Variants in DNAH6 observed in about 807,000 individuals in gnomAD.
DNAH6 encodes the protein axonemal beta dynein heavy chain 6.
DNAH6 carries 340 observed loss-of-function variants against 491.4 expected under a neutral mutation model. That is an observed-to-expected ratio of 0.69 (90% CI 0.63 to 0.76). DNAH6 has a LOEUF of 0.76. DNAH6 is among the 30% of genes least tolerant of loss of function. The pLI is 0.00. For missense variants in DNAH6, 4,443 were observed against 4,972.2 expected (o/e 0.89, Z 3.20); for synonymous variants, 1,603 against 1,686.1 (o/e 0.95, Z 1.21).
the DNAH6 span, among the ~76,000 whole-genome samples, chr2:84,497,056 C>T: frequency 6.6e-6 from 1 of 151,688 alleles, no homozygotes; most frequent in Non-Finnish European, 1.5e-5. Context: ...CTGCAACCTC[C>T]ACCTGCCGGG....
At chr2:84,763,216 A>AT (rs1332956232) in intron 64 of DNAH6, among the ~76,000 whole-genome samples, 1 of 152,172 alleles carries the variant, frequency 6.6e-6, no homozygotes, top group Non-Finnish European at 1.5e-5. Flanking sequence ...TTTGTTTGGT[A>AT]TTTAAGACAG....
the DNAH6 span, among the ~76,000 whole-genome samples, chr2:84,504,592 A>G: frequency 8.5e-5 from 13 of 152,266 alleles, no homozygotes; most frequent in Admixed American, 2.0e-4. Flanking sequence ...TGGGTGTTGT[A>G]ATCTAAGCTG....
At chr2:84,763,908 G>A (rs1674832054) in intron 64 of DNAH6, among the ~76,000 whole-genome samples, 2 of 152,122 alleles carry the variant, frequency 1.3e-5, no homozygotes, top group African/African-American at 4.8e-5. Context: ...TGAGACACAA[G>A]AAGAGCCAAT....
chr2:84,772,079 G>T (rs1365778563), intron 64 of DNAH6, among the ~76,000 whole-genome samples: 3 of 152,074 alleles, frequency 2.0e-5, no homozygotes, highest in African/African-American at 7.2e-5. Context: ...ACAAGAGAGG[G>T]CAGAGCTATG....
chr2:84,545,033 A>G (rs1459157985), intron 5 of DNAH6, among the ~76,000 whole-genome samples: 1 of 152,138 alleles, frequency 6.6e-6, no homozygotes, highest in Non-Finnish European at 1.5e-5. Context: ...GACCATATTT[A>G]TAATTTCTAT....
At chr2:84,776,021 A>T (rs1040031357) in intron 64 of DNAH6, among the ~76,000 whole-genome samples, 2 of 152,130 alleles carry the variant, frequency 1.3e-5, no homozygotes, top group Non-Finnish European at 2.9e-5. Flanking sequence ...TTTAGTTGGT[A>T]TGACACTTGG....
chr2:84,722,594 C>T (rs1383597953), intron 59 of DNAH6, 31 bp from the exon 60 acceptor site: 1 of 1,516,370 alleles, frequency 6.6e-7, no homozygotes. Context: ...GGAACAGATC[C>T]CTAAGAACTT....
chr2:84,596,551 A>G (rs115635544), intron 18 of DNAH6, among the ~76,000 whole-genome samples: 6,143 of 152,006 alleles, frequency 0.04, 392 homozygotes, highest in African/African-American at 0.14. Flanking sequence ...GGCTGGCCTC[A>G]AAATCCTGAC....
At chr2:84,681,635 A>G (rs2104731203) in intron 42 of DNAH6, 107 bp downstream of exon 42, 1 of 982,554 alleles carries the variant, frequency 1.0e-6, no homozygotes, top group African/African-American at 1.7e-5. Flanking sequence ...TGACTCACCC[A>G]GAAATCCCAT....
At chr2:84,470,935 A>C in the DNAH6 span, among the ~76,000 whole-genome samples, 18 of 152,348 alleles carry the variant, frequency 1.2e-4, 1 homozygote, top group South Asian at 3.7e-3. Context: ...AATCCAACAA[A>C]GAAACAGCTG....
chr2:84,736,782 A>G (rs1699569993), intron 62 of DNAH6, among the ~76,000 whole-genome samples: 1 of 151,962 alleles, frequency 6.6e-6, no homozygotes, highest in African/African-American at 2.4e-5. Flanking sequence ...TAGTGAAGAG[A>G]GATCATTTGA....
At chr2:84,693,597 G>A (rs1347734732) in intron 45 of DNAH6, among the ~76,000 whole-genome samples, 1 of 152,032 alleles carries the variant, frequency 6.6e-6, no homozygotes, top group Non-Finnish European at 1.5e-5. Context: ...CAAAAAATTA[G>A]CCGGGCATGG....
intron 5 of DNAH6, 141 bp downstream of exon 5, chr2:84,544,641 T>G (rs1678598653): frequency 1.7e-6 from 1 of 599,800 alleles, no homozygotes; most frequent in African/African-American, 1.8e-5. Flanking sequence ...TCCTGTCTTG[T>G]CATTTAGGAG....
intron 11 of DNAH6, among the ~76,000 whole-genome samples, chr2:84,562,249 GAGAA>G (rs1018116163): frequency 2.0e-5 from 3 of 151,962 alleles, no homozygotes; most frequent in African/African-American, 7.2e-5. Flanking sequence ...TCGTCACTCA[GAGAA>G]AGAAAGAAAG....
In DNAH6 at chr2:84,816,078, C is replaced by T; in HGVS notation, c.12368C>T (p.Thr4123Ile). 1 of 1,548,420 alleles carries T rather than the reference C, an allele frequency of 6.5e-7. No homozygotes were observed. The highest frequency in any genetic ancestry group is 8.7e-7 in the Non-Finnish European group (1 of 1,144,544). Reference sequence around the variant, plus strand: ...GGAGCCCGGGCAGGAACACTCTCAACCACAGGTGAGGATGTTCTTAAGATT... The same window carrying T: ...GGAGCCCGGGCAGGAACACTCTCAATCACAGGTGAGGATGTTCTTAAGATT... ...KTGARAGTLS[T>I]TGHSTNFVVT... The change falls in exon 76 of 77, where the codon ACC (threonine) becomes ATC (isoleucine). Residue 4123 changes from threonine (T) to isoleucine (I), a missense_variant. Physicochemically the swap from Thr to Ile is moderately conservative, Grantham distance 89. Transcript: ENST00000389394.
intron 43 of DNAH6, among the ~76,000 whole-genome samples, chr2:84,686,248 A>G (rs1573482655): frequency 6.6e-6 from 1 of 152,226 alleles, no homozygotes; most frequent in East Asian, 1.9e-4. Flanking sequence ...TAAGTATCCA[A>G]TATTCATTAT....
chr2:84,558,786 T>C (rs1396617312), intron 11 of DNAH6, among the ~76,000 whole-genome samples: 1 of 152,212 alleles, frequency 6.6e-6, no homozygotes, highest in Non-Finnish European at 1.5e-5. Flanking sequence ...AGGTGATCGA[T>C]GTGAGAAGGT....
At chr2:84,733,051 C>G (rs531819876) in intron 61 of DNAH6, among the ~76,000 whole-genome samples, 5 of 152,212 alleles carry the variant, frequency 3.3e-5, no homozygotes, top group Non-Finnish European at 7.3e-5. Flanking sequence ...GCTCCATACT[C>G]AGCTTTCTGT....
intron 11 of DNAH6, among the ~76,000 whole-genome samples, chr2:84,571,744 T>C (rs558764264): frequency 1.3e-5 from 2 of 148,990 alleles, no homozygotes; most frequent in South Asian, 4.3e-4. Context: ...AAACCCCATC[T>C]CTACTAAAAT....
Sources: allele counts gnomAD v4.1 joint callset (sites outside exome capture counted in the v4.1 genomes callset), GRCh38; gene constraint gnomAD v4.1.1; transcripts MANE v1.5; gene names NCBI Gene and HGNC (gene_info 2026-07-23, HGNC 2026-07-21).